The following RBFOX1 variants were observed in gnomAD, a reference collection of about 807,000 sequenced individuals.
RBFOX1 encodes the protein RNA binding protein fox-1 homolog 1.
In RBFOX1, 8 loss-of-function variants were observed where a neutral mutation model predicts 57.7. That is an observed-to-expected ratio of 0.14 (90% confidence interval 0.08 to 0.25). RBFOX1 has a LOEUF of 0.25. Among genes scored for constraint, RBFOX1 ranks in the 10% least tolerant of loss-of-function variants. The probability of loss-of-function intolerance (pLI) is 1.00; values close to 1 mark genes in which losing one functional copy is unlikely to be tolerated. For synonymous variants in RBFOX1, 326 were observed against 222.4 expected, an observed-to-expected ratio of 1.47 and a Z score of -4.15; for missense variants, 611 against 548.5, an observed-to-expected ratio of 1.11 and a Z score of -1.14.
chr16:7,412,761 G>A (rs2098441848), intron 4 of RBFOX1, among the ~76,000 whole-genome samples: 2 of 152,236 alleles, frequency 1.3e-5, no homozygotes, highest in East Asian at 1.9e-4. Flanking sequence ...ATGGAATTAC[G>A]ACTGGGCATG....
chr16:5,730,001 A>T (rs535843508), intron 3 of RBFOX1, among the ~76,000 whole-genome samples: 8 of 152,274 alleles, frequency 5.3e-5, no homozygotes, highest in African/African-American at 1.9e-4. Flanking sequence ...CATGCCCGCA[A>T]AGGGGGTGCC....
intron 3 of RBFOX1, among the ~76,000 whole-genome samples, chr16:5,804,067 C>G (rs2055150320): frequency 6.6e-6 from 1 of 152,202 alleles, no homozygotes; most frequent in African/African-American, 2.4e-5. Context: ...CTTCCAGGAT[C>G]AAATGATTAC....
chr16:7,366,646 CT>C (rs35391383), intron 4 of RBFOX1, among the ~76,000 whole-genome samples: 24,952 of 146,176 alleles, frequency 0.17, 3,126 homozygotes, highest in African/African-American at 0.36. Context: ...TGATAGTTTT[CT>C]TTTTTTTTTT....
chr16:5,327,342 A>C (rs922661643), intron 1 of RBFOX1, among the ~76,000 whole-genome samples: 1 of 152,166 alleles, frequency 6.6e-6, no homozygotes, highest in African/African-American at 2.4e-5. Context: ...GTAGCCCACA[A>C]ACTTCCCTGG....
chr16:6,903,492 G>A (rs1232769853), intron 3 of RBFOX1, among the ~76,000 whole-genome samples: 1 of 152,204 alleles, frequency 6.6e-6, no homozygotes, highest in Non-Finnish European at 1.5e-5. Context: ...TTCAGCAAGT[G>A]CTGGTAAAAT....
chr16:6,237,751 C>G (rs60413790), intron 1 of RBFOX1, among the ~76,000 whole-genome samples: 1 of 151,448 alleles, frequency 6.6e-6, no homozygotes, highest in Non-Finnish European at 1.5e-5. Context: ...AAAAATAAAA[C>G]AAAATAAAAT....
intron 4 of RBFOX1, among the ~76,000 whole-genome samples, chr16:5,929,560 T>C (rs1211110852): frequency 6.6e-6 from 1 of 152,186 alleles, no homozygotes; most frequent in East Asian, 1.9e-4. Context: ...AAGACAAAGG[T>C]TCCATGTTCC....
chr16:7,630,043 G>A (rs1309684390), intron 10 of RBFOX1, among the ~76,000 whole-genome samples: 1 of 152,098 alleles, frequency 6.6e-6, no homozygotes, highest in Non-Finnish European at 1.5e-5. Flanking sequence ...TTTGAAGGAA[G>A]TTACCGTTTT....
intron 1 of RBFOX1, among the ~76,000 whole-genome samples, chr16:6,315,810 C>T (rs917044573): frequency 3.9e-5 from 6 of 152,148 alleles, no homozygotes; most frequent in East Asian, 1.9e-4. Flanking sequence ...TTTGAAGTCA[C>T]TTGATGTTTT....
At chr16:5,959,824 TAAAG>T (rs1207840794) in intron 4 of RBFOX1, among the ~76,000 whole-genome samples, 1 of 151,166 alleles carries the variant, frequency 6.6e-6, no homozygotes, top group African/African-American at 2.4e-5. Flanking sequence ...GAAAAAGAAA[TAAAG>T]AAAGAAAGAA....
rs146848508 is a variant in RBFOX1, at chr16:5,964,759, G to GTA, written c.351+97437_351+97438dup. ...ACTCTTAGGTTATGTGTGTGTATAT[G>GTA]TATATATATATATACACACATATAC... is the stretch of plus-strand genomic sequence containing the variant. On this transcript the variant is annotated intron_variant, in intron 4 of 19. Coordinates refer to the RBFOX1 transcript ENST00000641259. 1.7e-3 allele frequency among the ~76,000 whole-genome samples: 259 copies of GTA among 149,320 alleles called. 2 individuals are homozygous for GTA. Among genetic ancestry groups the GTA allele is most frequent in the East Asian group, 5.1e-3 (26 of 5,060 alleles).
intron 1 of RBFOX1, among the ~76,000 whole-genome samples, chr16:6,065,429 T>G (rs2095748885): frequency 6.6e-6 from 1 of 152,122 alleles, no homozygotes; most frequent in Non-Finnish European, 1.5e-5. Flanking sequence ...TCTTAGGTGG[T>G]TTGCTTTTCT....
Position 5,454,902 on chromosome 16 carries a change from C to CTT in RBFOX1, c.220-12312_220-12311dup, listed in dbSNP as rs1430221502. 3.0e-5 allele frequency among the ~76,000 whole-genome samples: 2 copies of CTT among 66,692 alleles called. 1 individual carries two copies. Among genetic ancestry groups the CTT allele is most frequent in the Non-Finnish European group, 6.6e-5 (2 of 30,130 alleles). The allele number at this position is 66,692 out of a possible 152,430, so 43.8% of individuals were successfully genotyped here. A position where few individuals can be genotyped will look rare whatever the true frequency, so the allele number is the denominator to read the frequency against. On this transcript the variant is annotated intron_variant, in intron 1 of 2. Coordinates refer to the RBFOX1 transcript ENST00000585867. ...TCTTTCTTTCTTTCTTTCTTTCTTT[C>CTT]TTTCTTTCTTTCCTTTGTTTCTTTC...
chr16:6,847,957 A>G (rs773604953), intron 3 of RBFOX1, among the ~76,000 whole-genome samples: 1 of 151,924 alleles, frequency 6.6e-6, no homozygotes, highest in Non-Finnish European at 1.5e-5. Context: ...AGCCTCCCAA[A>G]TAGCTAAGAC....
chr16:5,412,502 G>T (rs981397845), intron 1 of RBFOX1, among the ~76,000 whole-genome samples: 44 of 152,194 alleles, frequency 2.9e-4, no homozygotes, highest in African/African-American at 9.7e-4. Context: ...ATAGCTCAAA[G>T]ATTGCTGTTC....
At chr16:7,660,136 A>G (rs1305851113) in intron 12 of RBFOX1, among the ~76,000 whole-genome samples, 1 of 152,116 alleles carries the variant, frequency 6.6e-6, no homozygotes, top group Non-Finnish European at 1.5e-5. Context: ...TAGTTTGGGC[A>G]TTTTATACTT....
chr16:7,071,991 C>G (rs2153779175), intron 4 of RBFOX1, among the ~76,000 whole-genome samples: 1 of 152,190 alleles, frequency 6.6e-6, no homozygotes, highest in Non-Finnish European at 1.5e-5. Flanking sequence ...CTATGAATTC[C>G]TCTCAAAATT....
intron 2 of RBFOX1, among the ~76,000 whole-genome samples, chr16:6,441,075 C>G (rs1000847268): frequency 2.0e-5 from 3 of 152,112 alleles, no homozygotes; most frequent in African/African-American, 7.2e-5. Context: ...AGAGTGATGA[C>G]CAGAGTCATG....
chr16:6,623,064 A>G (rs1202168700), intron 2 of RBFOX1, among the ~76,000 whole-genome samples: 5 of 152,222 alleles, frequency 3.3e-5, no homozygotes, highest in Non-Finnish European at 7.3e-5. Context: ...CGCCATCGAC[A>G]TATATTGCAA....
Sources: gnomAD v4.1 joint callset for allele counts (sites outside exome capture counted in the v4.1 genomes callset) on GRCh38, gnomAD v4.1.1 for gene constraint, MANE v1.5 for transcripts, NCBI Gene and HGNC (gene_info 2026-07-23, HGNC 2026-07-21) for gene names.